Variants in HEMK2 observed in about 807,000 individuals in gnomAD.
HEMK2 encodes the protein HemK methyltransferase 2, ETF1 glutamine and histone H4 lysine.
chr21:28,837,212 G>A, the HEMK2 span, among the ~76,000 whole-genome samples: 1 of 152,082 alleles, frequency 6.6e-6, no homozygotes, highest in South Asian at 2.1e-4. Context: ...GATATATACG[G>A]AACAGTTCAT....
chr21:28,754,827 G>A, the HEMK2 span, among the ~76,000 whole-genome samples: 1 of 152,188 alleles, frequency 6.6e-6, no homozygotes, highest in Non-Finnish European at 1.5e-5. Flanking sequence ...TATTTTTAAT[G>A]TGCCTGCAAT....
At chr21:28,791,993 G>A in the HEMK2 span, among the ~76,000 whole-genome samples, 25 of 152,138 alleles carry the variant, frequency 1.6e-4, no homozygotes, top group South Asian at 6.2e-4. Flanking sequence ...AGATGGCAAC[G>A]AAAGTGATCT....
the HEMK2 span, among the ~76,000 whole-genome samples, chr21:28,581,165 C>CT: frequency 6.6e-6 from 1 of 151,332 alleles, no homozygotes; most frequent in East Asian, 1.9e-4. Flanking sequence ...ACAGAACATA[C>CT]TTATTCATAC....
the HEMK2 span, among the ~76,000 whole-genome samples, chr21:28,649,071 T>C: frequency 3.7e-4 from 57 of 152,122 alleles, no homozygotes; most frequent in African/African-American, 1.3e-3. Context: ...TTGCTGAGAA[T>C]GATGGTTTCC....
the HEMK2 span, among the ~76,000 whole-genome samples, chr21:28,664,401 T>C: frequency 6.6e-6 from 1 of 152,172 alleles, no homozygotes; most frequent in Non-Finnish European, 1.5e-5. Flanking sequence ...AATAAATCAC[T>C]ACATAGGCCC....
the HEMK2 span, among the ~76,000 whole-genome samples, chr21:28,723,370 G>A: frequency 2.0e-5 from 3 of 152,084 alleles, no homozygotes; most frequent in African/African-American, 7.2e-5. Flanking sequence ...CTGCACACTT[G>A]CATGGAGACA....
the HEMK2 span, among the ~76,000 whole-genome samples, chr21:28,777,714 A>G: frequency 2.0e-5 from 3 of 152,218 alleles, no homozygotes; most frequent in East Asian, 3.8e-4. Flanking sequence ...CTTTGTTGTT[A>G]GAATAAAAAA....
At chr21:28,734,382 A>C in the HEMK2 span, among the ~76,000 whole-genome samples, 1 of 152,212 alleles carries the variant, frequency 6.6e-6, no homozygotes, top group East Asian at 1.9e-4. Flanking sequence ...GTCTGCTTTC[A>C]ACTATAATCA....
At chr21:28,877,789 G>A in the HEMK2 span, among the ~76,000 whole-genome samples, 1 of 151,986 alleles carries the variant, frequency 6.6e-6, no homozygotes. Flanking sequence ...TGAAAACAAA[G>A]ATATAAAAAT....
chr21:28,666,288 G>T, the HEMK2 span, among the ~76,000 whole-genome samples: 2 of 152,170 alleles, frequency 1.3e-5, no homozygotes, highest in African/African-American at 4.8e-5. Context: ...ACTTTGGTGA[G>T]AAATTTACAG....
chr21:28,823,881 A>G, the HEMK2 span, among the ~76,000 whole-genome samples: 115 of 152,288 alleles, frequency 7.6e-4, 1 homozygote, highest in Admixed American at 5.2e-4. Flanking sequence ...GAAGGTTTCT[A>G]GAAGGTTTCT....
chr21:28,879,879 T>C, the HEMK2 span: 3 of 1,577,912 alleles, frequency 1.9e-6, no homozygotes, highest in Non-Finnish European at 2.6e-6. Flanking sequence ...CCTCTTGAGG[T>C]GGAGTCACTA....
At chr21:28,744,559 C>G in the HEMK2 span, among the ~76,000 whole-genome samples, 1 of 152,186 alleles carries the variant, frequency 6.6e-6, no homozygotes, top group East Asian at 1.9e-4. Context: ...TTGGCCTCTC[C>G]TGTTTCATAG....
At chr21:28,869,248 A>G in the HEMK2 span, among the ~76,000 whole-genome samples, 1 of 152,204 alleles carries the variant, frequency 6.6e-6, no homozygotes, top group East Asian at 1.9e-4. Flanking sequence ...CCTTTAACCT[A>G]TTAGAATGAT....
chr21:28,704,991 T>G, the HEMK2 span, among the ~76,000 whole-genome samples: 3 of 152,184 alleles, frequency 2.0e-5, no homozygotes, highest in Non-Finnish European at 4.4e-5. Context: ...CCTCCTTCCC[T>G]CTTCACTGCT....
chr21:28,647,592 C>A, the HEMK2 span, among the ~76,000 whole-genome samples: 3 of 152,006 alleles, frequency 2.0e-5, no homozygotes, highest in Non-Finnish European at 4.4e-5. Context: ...CGTCACCTCC[C>A]TATGGTTCAT....
At chr21:28,707,578 A>C in the HEMK2 span, among the ~76,000 whole-genome samples, 1 of 152,190 alleles carries the variant, frequency 6.6e-6, no homozygotes, top group Admixed American at 6.5e-5. Flanking sequence ...TCTCTTTAAC[A>C]TACACCCTAG....
chr21:28,802,545 T>C, the HEMK2 span, among the ~76,000 whole-genome samples: 1 of 151,860 alleles, frequency 6.6e-6, no homozygotes, highest in Non-Finnish European at 1.5e-5. Flanking sequence ...CTGGCCAAAA[T>C]AGTGAAACCC....
At chr21:28,763,585 T>C in the HEMK2 span, among the ~76,000 whole-genome samples, 1 of 152,042 alleles carries the variant, frequency 6.6e-6, no homozygotes, top group Non-Finnish European at 1.5e-5. Flanking sequence ...ATCCCAACTA[T>C]ATCACACGTG....
Sources: allele counts gnomAD v4.1 joint callset (sites outside exome capture counted in the v4.1 genomes callset), GRCh38; gene constraint gnomAD v4.1.1; transcripts MANE v1.5; gene names NCBI Gene and HGNC (gene_info 2026-07-23, HGNC 2026-07-21).